The following SGCZ variants were observed in gnomAD, a reference collection of about 807,000 sequenced individuals.
SGCZ encodes the protein zeta-sarcoglycan.
In SGCZ, 40 loss-of-function variants were observed where a neutral mutation model predicts 41.3. That is an observed-to-expected ratio of 0.97 (90% CI 0.75 to 1.26). The LOEUF (loss-of-function observed/expected upper bound fraction) is 1.26. Among genes scored for constraint, SGCZ ranks in the 50% most tolerant of loss-of-function variants. SGCZ has a pLI of 0.00. For synonymous variants in SGCZ, 206 were observed against 137.5 expected (o/e 1.50, Z -3.49); for missense variants, 552 against 369.8 (o/e 1.49, Z -4.04).
chr8:14,439,023 C>T (rs1563329589), intron 2 of SGCZ, among the ~76,000 whole-genome samples: 1 of 151,868 alleles, frequency 6.6e-6, no homozygotes, highest in East Asian at 1.9e-4. Context: ...ACGAAGCTTC[C>T]TCTGCAAAGG....
At chr8:14,257,094 CA>C (rs1329714059) in intron 3 of SGCZ, among the ~76,000 whole-genome samples, 1 of 151,944 alleles carries the variant, frequency 6.6e-6, no homozygotes, top group East Asian at 1.9e-4. Flanking sequence ...ACTAGAAGGC[CA>C]AAGTGGACAG....
chr8:15,180,783 A>C (rs111389941), intron 1 of SGCZ, among the ~76,000 whole-genome samples: 7 of 151,834 alleles, frequency 4.6e-5, no homozygotes, highest in African/African-American at 1.7e-4. Context: ...GCTACTCAGG[A>C]GGCTGAGGCA....
intron 1 of SGCZ, among the ~76,000 whole-genome samples, chr8:14,828,688 G>A (rs1392832483): frequency 2.0e-5 from 3 of 152,134 alleles, no homozygotes; most frequent in African/African-American, 7.2e-5. Flanking sequence ...CAGTTGTTTG[G>A]GATGCTCAAG....
At chr8:15,097,617 G>A (rs146786386) in intron 1 of SGCZ, among the ~76,000 whole-genome samples, 5,116 of 151,234 alleles carry the variant, frequency 0.034, 101 homozygotes, top group Non-Finnish European at 0.05. Context: ...ATCAGTCGGG[G>A]CAATGTTGAC....
intron 1 of SGCZ, among the ~76,000 whole-genome samples, chr8:15,050,679 A>G (rs554544317): frequency 2.0e-5 from 3 of 152,256 alleles, no homozygotes; most frequent in African/African-American, 7.2e-5. Context: ...AGCATTGGAA[A>G]TGCAAGCCAA....
intron 5 of SGCZ, among the ~76,000 whole-genome samples, chr8:14,129,345 C>CAA (rs534660638): frequency 0.028 from 1,220 of 44,116 alleles, 169 homozygotes; most frequent in African/African-American, 0.032. Flanking sequence ...GACTCCGTCT[C>CAA]AAAAAAAAAA....
intron 3 of SGCZ, among the ~76,000 whole-genome samples, chr8:14,304,676 T>A (rs748685186): frequency 5.3e-5 from 8 of 152,196 alleles, no homozygotes; most frequent in Non-Finnish European, 1.0e-4. Flanking sequence ...GCCATAGCTA[T>A]GGTAATGCAT....
chr8:14,907,212 T>C (rs909999824), intron 1 of SGCZ, among the ~76,000 whole-genome samples: 5 of 152,132 alleles, frequency 3.3e-5, no homozygotes, highest in African/African-American at 1.2e-4. Context: ...TATTATTTTT[T>C]GGGACAGAGT....
intron 2 of SGCZ, among the ~76,000 whole-genome samples, chr8:14,453,079 G>A (rs1047327641): frequency 1.3e-5 from 2 of 152,096 alleles, no homozygotes; most frequent in East Asian, 3.9e-4. Flanking sequence ...CTGAACTCTA[G>A]CCTGGGTGAC....
At chr8:15,033,183 A>T (rs1585494260) in intron 1 of SGCZ, among the ~76,000 whole-genome samples, 1 of 150,096 alleles carries the variant, frequency 6.7e-6, no homozygotes, top group Admixed American at 6.6e-5. Context: ...CATGTGAACC[A>T]AGGTTTCAGG....
chr8:14,189,839 G>A (rs775613785), intron 4 of SGCZ, among the ~76,000 whole-genome samples: 2 of 152,036 alleles, frequency 1.3e-5, no homozygotes, highest in Non-Finnish European at 2.9e-5. Flanking sequence ...ATTTGTATCT[G>A]TCTTGCTCAT....
intron 1 of SGCZ, among the ~76,000 whole-genome samples, chr8:14,816,815 C>G (rs1412505964): frequency 6.6e-6 from 1 of 152,104 alleles, no homozygotes; most frequent in African/African-American, 2.4e-5. Flanking sequence ...TAATTTAATT[C>G]AATTACCAAA....
chr8:15,111,893 C>A (rs1178988853), intron 1 of SGCZ, among the ~76,000 whole-genome samples: 1 of 131,690 alleles, frequency 7.6e-6, no homozygotes, highest in African/African-American at 3.1e-5. Flanking sequence ...AGCGAGACTC[C>A]GTCTCCCAAA....
intron 1 of SGCZ, among the ~76,000 whole-genome samples, chr8:14,969,976 T>G (rs1212118213): frequency 6.6e-6 from 1 of 152,134 alleles, no homozygotes; most frequent in East Asian, 1.9e-4. Flanking sequence ...CCTCCCCTAG[T>G]GTATGAGAGT....
chr8:14,302,188 A>C (rs1346277), intron 3 of SGCZ, among the ~76,000 whole-genome samples: 3 of 151,904 alleles, frequency 2.0e-5, no homozygotes, highest in African/African-American at 7.3e-5. Context: ...ACAATCAAAA[A>C]TCATTTAATA....
intron 1 of SGCZ, among the ~76,000 whole-genome samples, chr8:14,653,304 T>C (rs1563181017): frequency 2.0e-5 from 3 of 152,092 alleles, no homozygotes; most frequent in South Asian, 2.1e-4. Flanking sequence ...CTTCCTACCA[T>C]TGAGAAACAC....
At chr8:14,688,162 G>T (rs1290130862) in intron 1 of SGCZ, among the ~76,000 whole-genome samples, 2 of 152,054 alleles carry the variant, frequency 1.3e-5, no homozygotes, top group Non-Finnish European at 2.9e-5. Flanking sequence ...CACTCTGATG[G>T]TAGTTTCTTT....
chr8:14,889,454 A>C (rs1804930834), intron 1 of SGCZ, among the ~76,000 whole-genome samples: 1 of 152,190 alleles, frequency 6.6e-6, no homozygotes, highest in Non-Finnish European at 1.5e-5. Context: ...AATTCATGTT[A>C]TATTAATGTA....
chr8:14,427,030 A>AAATGAATGAATG lies in SGCZ; in HGVS notation c.235-102838_235-102827dup, dbSNP rs3068589. Among the ~76,000 whole-genome samples the AAATGAATGAATG allele has an allele frequency of 8.3e-5, 12 of 145,404 alleles. No homozygotes were observed. In the South Asian group the frequency reaches 1.7e-3, roughly 21 times the overall value. On this transcript the variant is annotated intron_variant, in intron 2 of 7. Coordinates refer to ENST00000382080, the MANE Select transcript of SGCZ (RefSeq NM_139167.4). ...AGCCTGTTTGCAGCCCAGTAACATT[A>AAATGAATGAATG]AATGAATGAATGAATGAATGAATGA...
Sources: gnomAD v4.1 joint callset for allele counts (sites outside exome capture counted in the v4.1 genomes callset) on GRCh38, gnomAD v4.1.1 for gene constraint, MANE v1.5 for transcripts, NCBI Gene and HGNC (gene_info 2026-07-23, HGNC 2026-07-21) for gene names.